The following GRIN2B variants were observed in gnomAD, a reference collection of about 807,000 sequenced individuals.
GRIN2B encodes glutamate ionotropic receptor NMDA type subunit 2B, also known as glutamate receptor ionotropic, NMDA 2B.
A neutral mutation model predicts 114.5 loss-of-function variants in GRIN2B; 5 were observed. That is an observed-to-expected ratio of 0.04 (90% CI 0.02 to 0.09). The LOEUF is 0.09. Among genes scored for constraint, GRIN2B ranks in the 10% least tolerant of loss-of-function variants. The pLI is 1.00. For missense variants in GRIN2B, 1,108 were observed against 1,943.5 expected, an observed-to-expected ratio of 0.57 and a Z score of 8.08; for synonymous variants, 787 against 745.1, an observed-to-expected ratio of 1.06 and a Z score of -0.92.
intron 2 of GRIN2B, among the ~76,000 whole-genome samples, chr12:13,900,863 C>T (rs761616955): frequency 2.0e-5 from 3 of 152,038 alleles, no homozygotes; most frequent in Non-Finnish European, 4.4e-5. Flanking sequence ...GGAGCAGCTG[C>T]GGTTCATTTA....
At chr12:13,696,095 G>T (rs148977799) in intron 4 of GRIN2B, among the ~76,000 whole-genome samples, 9 of 152,238 alleles carry the variant, frequency 5.9e-5, no homozygotes, top group Admixed American at 3.9e-4. Flanking sequence ...TGAGCTGACT[G>T]GTTCTTATTA....
chr12:13,568,514 A>G (rs1045299136), intron 12 of GRIN2B, among the ~76,000 whole-genome samples: 13 of 152,342 alleles, frequency 8.5e-5, no homozygotes, highest in African/African-American at 3.1e-4. Context: ...CAGCTAAAAC[A>G]TCCTCCTGTT....
intron 5 of GRIN2B, among the ~76,000 whole-genome samples, chr12:13,654,579 G>A (rs766316616): frequency 6.6e-6 from 1 of 152,116 alleles, no homozygotes; most frequent in African/African-American, 2.4e-5. Flanking sequence ...CCCCCAAACT[G>A]CTGGCTGCCA....
At chr12:13,621,180 A>G (rs1018290404) in intron 5 of GRIN2B, among the ~76,000 whole-genome samples, 4 of 152,192 alleles carry the variant, frequency 2.6e-5, no homozygotes, top group African/African-American at 9.6e-5. Flanking sequence ...ATATAAATGG[A>G]AAAGTTTGAA....
chr12:13,743,079 A>G (rs1472346632), intron 4 of GRIN2B, among the ~76,000 whole-genome samples: 7 of 152,148 alleles, frequency 4.6e-5, no homozygotes, highest in African/African-American at 7.2e-5. Context: ...CTATGCTCAC[A>G]TATCTCATTT....
At chr12:13,600,599 G>A (rs1949144397) in intron 10 of GRIN2B, among the ~76,000 whole-genome samples, 1 of 152,088 alleles carries the variant, frequency 6.6e-6, no homozygotes, top group Non-Finnish European at 1.5e-5. Flanking sequence ...AGAGTTCCCT[G>A]TGCCTGATGA....
chr12:13,757,017 A>T (rs1295048460), intron 3 of GRIN2B, among the ~76,000 whole-genome samples: 1 of 152,180 alleles, frequency 6.6e-6, no homozygotes, highest in South Asian at 2.1e-4. Context: ...CATCATCCCC[A>T]ACTACATCCT....
chr12:13,753,883 T>A lies in GRIN2B; in HGVS notation c.444A>T (p.Pro148=), dbSNP rs200658883. 1 of 1,612,288 alleles carries A rather than the reference T, an allele frequency of 6.2e-7. No individual in the cohort carries two copies. Among genetic ancestry groups the A allele is most frequent in the Admixed American group, 1.7e-5 (1 of 59,972 alleles). The change falls in exon 4 of 14, where the codon CCA becomes CCT. Residue 148 remains proline, a synonymous_variant. Coordinates refer to ENST00000609686, the MANE Select transcript of GRIN2B (RefSeq NM_000834.5). This position sits in a 1 kb window ranked among gnomAD's most constrained non-coding sequence, Gnocchi z 6.2. ...DESSMFFQFG[P]SIEQQASVML... ...TTACGGAAGCTTGCTGTTCAATTGA[T>A]GGGCCAAACTGGAAGAACATGGAGG...
intron 3 of GRIN2B, among the ~76,000 whole-genome samples, chr12:13,855,017 C>T (rs1865633890): frequency 7.2e-6 from 1 of 138,080 alleles, no homozygotes; most frequent in Admixed American, 7.7e-5. Flanking sequence ...TTGAGACCTG[C>T]CTGGCCAACA....
chr12:13,616,728 T>C (rs773130617), intron 5 of GRIN2B, 71 bp from the exon 6 acceptor site: 8 of 1,249,406 alleles, frequency 6.4e-6, no homozygotes, highest in Non-Finnish European at 9.4e-6. Context: ...CCCAGTATTG[T>C]CTGAACAATC....
At chr12:13,685,951 G>C (rs988496553) in intron 4 of GRIN2B, among the ~76,000 whole-genome samples, 1 of 152,032 alleles carries the variant, frequency 6.6e-6, no homozygotes, top group African/African-American at 2.4e-5. Context: ...TGGTTTTAAG[G>C]GTACAGGAAA....
At chr12:13,945,775 A>G (rs1298826672) in intron 2 of GRIN2B, among the ~76,000 whole-genome samples, 3 of 152,170 alleles carry the variant, frequency 2.0e-5, no homozygotes, top group African/African-American at 4.8e-5. Flanking sequence ...AACATAAACA[A>G]CTAGTTCTTC....
At chr12:13,893,952 CA>C (rs1286549574) in intron 2 of GRIN2B, among the ~76,000 whole-genome samples, 1 of 151,748 alleles carries the variant, frequency 6.6e-6, no homozygotes, top group Non-Finnish European at 1.5e-5. Flanking sequence ...AAAGAGAAAC[CA>C]CAATGAAGAA....
At chr12:13,819,157 C>A (rs894899668) in intron 3 of GRIN2B, among the ~76,000 whole-genome samples, 1 of 152,128 alleles carries the variant, frequency 6.6e-6, no homozygotes. Context: ...CACAAGAAGA[C>A]ACCAGGACAC....
At chr12:13,627,487 A>C (rs1456147679) in intron 5 of GRIN2B, among the ~76,000 whole-genome samples, 1 of 152,236 alleles carries the variant, frequency 6.6e-6, no homozygotes, top group Non-Finnish European at 1.5e-5. Context: ...TGAGTAAATG[A>C]CAGTGGTTGT....
rs1180735133 is a variant in GRIN2B at position 13,554,915 on chromosome 12, G to A, written c.*7868C>T. The stretch of plus-strand genomic sequence containing the variant: ...AGGAAGTTGGTGATTATGTTGGTTT[G>A]CAGCAATGGTTTTGGATATTTGAGT... On this transcript the variant is annotated 3_prime_UTR_variant, in exon 14 of 14. Transcript: ENST00000609686. 1 of 152,172 alleles carries A rather than the reference G, an allele frequency of 6.6e-6. No homozygotes were observed. The highest frequency in any genetic ancestry group is 1.5e-5 in the Non-Finnish European group (1 of 68,030). 9.4% of individuals were successfully genotyped at this position (152,172 alleles called of 1,614,324 possible).
At chr12:13,737,765 G>C (rs977219353) in intron 4 of GRIN2B, among the ~76,000 whole-genome samples, 1 of 152,160 alleles carries the variant, frequency 6.6e-6, no homozygotes, top group Admixed American at 6.5e-5. Flanking sequence ...TGGAGGTTCT[G>C]CCATGGTTCT....
intron 4 of GRIN2B, among the ~76,000 whole-genome samples, chr12:13,718,894 A>G (rs927110814): frequency 5.9e-5 from 9 of 152,076 alleles, no homozygotes; most frequent in African/African-American, 2.2e-4. Context: ...CACCACTTGC[A>G]CAGGGACTAA....
chr12:13,675,998 T>C lies in GRIN2B; in HGVS notation c.1011-139A>G, dbSNP rs535517743. 44 of 664,674 alleles carry C rather than the reference T, an allele frequency of 6.6e-5. No homozygotes were observed. In the East Asian group the frequency reaches 8.2e-4, roughly 12 times the overall value. The allele number at this position is 664,674 out of a possible 1,614,324, so 41.2% of individuals were successfully genotyped here. On this transcript the variant is annotated intron_variant, in intron 4 of 13. Coordinates refer to ENST00000609686, the MANE Select transcript of GRIN2B (RefSeq NM_000834.5). ...CAGATACCATTATCAAATTTGGTAC[T>C]TCTTGAACTCGCATTTGATTATGCA... is the stretch of plus-strand genomic sequence containing the variant.
Sources: gnomAD v4.1 joint callset for allele counts (sites outside exome capture counted in the v4.1 genomes callset) on GRCh38, gnomAD v4.1.1 for gene constraint, Gnocchi (gnomAD v3.1) non-coding constraint, MANE v1.5 for transcripts, NCBI Gene and HGNC (gene_info 2026-07-23, HGNC 2026-07-21) for gene names.